KDM6A: variants seen among roughly 807,000 people sequenced by gnomAD.
The protein encoded by KDM6A is lysine-specific demethylase 6A.
Under a neutral mutation model 117.6 loss-of-function variants are expected in KDM6A, and 11 were observed. The observed-to-expected ratio is 0.09, with a 90% confidence interval of 0.06 to 0.15. The LOEUF (loss-of-function observed/expected upper bound fraction) is 0.15, where lower values mean the gene tolerates loss of function less well. Ranked by LOEUF, KDM6A falls within the 10% of genes least tolerant of loss-of-function variation. The pLI, the probability that KDM6A is intolerant of heterozygous loss-of-function variation, is 1.00. For missense variants in KDM6A, 799 were observed against 1,077.3 expected (o/e 0.74, Z 3.62); for synonymous variants, 384 against 396.1 (o/e 0.97, Z 0.36).
At chrX:44,922,040 T>C (rs2035982506) in intron 2 of KDM6A, among the ~76,000 whole-genome samples, 1 of 44,637 alleles carries the variant, frequency 2.2e-5, no homozygotes, top group Non-Finnish European at 5.0e-5. Flanking sequence ...TTTTTTTTTT[T>C]TTTTTTTTTT....
At chrX:45,094,794 G>A (rs1364379958) in intron 27 of KDM6A, among the ~76,000 whole-genome samples, 1 of 111,458 alleles carries the variant, frequency 9.0e-6, no homozygotes, top group Non-Finnish European at 1.9e-5. Flanking sequence ...GTGCATTTGC[G>A]TGAGCTTAAA....
At chrX:44,891,496 A>G (rs1453555591) in intron 2 of KDM6A, among the ~76,000 whole-genome samples, 1 of 112,088 alleles carries the variant, frequency 8.9e-6, no homozygotes, top group Admixed American at 9.5e-5. Context: ...CTACGTGCTT[A>G]TTCCTCCACC....
intron 2 of KDM6A, among the ~76,000 whole-genome samples, chrX:44,937,117 C>T (rs184641370): frequency 3.7e-5 from 4 of 109,566 alleles, no homozygotes; most frequent in Non-Finnish European, 7.6e-5. Flanking sequence ...ATACATTGAC[C>T]CTTTTTTTTT....
At chrX:44,929,011 A>G (rs1228266196) in intron 2 of KDM6A, among the ~76,000 whole-genome samples, 1 of 110,535 alleles carries the variant, frequency 9.0e-6, no homozygotes, top group African/African-American at 3.3e-5. Flanking sequence ...GCTCACTACA[A>G]CGTCTGCCTC....
chrX:44,961,474 C>T (rs1602354843), intron 3 of KDM6A, 82 bp downstream of exon 3: 1 of 671,807 alleles, frequency 1.5e-6, no homozygotes, highest in East Asian at 3.6e-5. Flanking sequence ...GAGGATTTTC[C>T]TAAGAAATTG....
intron 9 of KDM6A, among the ~76,000 whole-genome samples, chrX:45,053,303 G>A (rs771455942): frequency 1.2e-3 from 134 of 109,890 alleles, no homozygotes; most frequent in South Asian, 4.3e-3. Flanking sequence ...GTGGTGGTGC[G>A]CGCCTGTAGT....
intron 2 of KDM6A, among the ~76,000 whole-genome samples, chrX:44,950,266 G>A (rs1214759373): frequency 1.8e-5 from 2 of 110,890 alleles, no homozygotes; most frequent in Admixed American, 1.9e-4. Flanking sequence ...CACCCGCCTC[G>A]GCCTCCCAAA....
At chrX:44,943,718 A>AT (rs1569467401) in intron 2 of KDM6A, among the ~76,000 whole-genome samples, 1 of 111,493 alleles carries the variant, frequency 9.0e-6, no homozygotes, top group Non-Finnish European at 1.9e-5. Context: ...GTTATTTCCA[A>AT]TTTTCACTGA....
Position 45,070,346 on chromosome X carries a change from G to A in KDM6A, c.2847G>A (p.Leu949=). 8.3e-7 allele frequency: 1 copy of A among 1,209,163 alleles called. No homozygotes were observed. Among genetic ancestry groups the A allele is most frequent in the Non-Finnish European group, 1.1e-6 (1 of 893,337 alleles). Residue 949 remains leucine (L), a synonymous_variant, in exon 18 of 30, where the codon CTG becomes CTA. Transcript: ENST00000611820. ...TATACCCCAGCTCAGCAGAAGTTCT[G>A]AAGGCATGCAGGTTAGTGTGGGAAA... The part of the protein sequence containing the change: ...VSIYPSSAEV[L]KACRNLGKNG...
intron 25 of KDM6A, among the ~76,000 whole-genome samples, chrX:45,087,602 T>C (rs1447798265): frequency 8.9e-6 from 1 of 112,169 alleles, no homozygotes; most frequent in African/African-American, 3.2e-5. Context: ...GAAATCTCCA[T>C]TGTGCTATAG....
chrX:44,977,233 T>A (rs1356944323), intron 4 of KDM6A, among the ~76,000 whole-genome samples: 1 of 110,611 alleles, frequency 9.0e-6, no homozygotes, highest in Non-Finnish European at 1.9e-5. Flanking sequence ...GTAAATAGTC[T>A]AGTAAAAGTG....
At chrX:45,094,610 AACTTCAGTCTT>A (rs1196684930) in intron 27 of KDM6A, among the ~76,000 whole-genome samples, 1 of 111,961 alleles carries the variant, frequency 8.9e-6, no homozygotes, top group Non-Finnish European at 1.9e-5. Flanking sequence ...TTGTATGAAT[AACTTCAGTCTT>A]CAACCGCTAA....
intron 2 of KDM6A, among the ~76,000 whole-genome samples, chrX:44,885,608 C>T (rs1245144473): frequency 9.1e-6 from 1 of 110,433 alleles, no homozygotes; most frequent in Non-Finnish European, 1.9e-5. Flanking sequence ...TGGTGGCTCA[C>T]GCCTGTGATC....
In KDM6A at chrX:44,920,447, T is replaced by A. The variant is rs371390332; in HGVS notation, c.226-40837T>A. Among the ~76,000 whole-genome samples the A allele has an allele frequency of 6.3e-3, 702 of 110,963 alleles. 4 individuals carry two copies. Among genetic ancestry groups the A allele is most frequent in the African/African-American group, 0.021 (654 of 30,670 alleles). On this transcript the variant is annotated intron_variant, in intron 2 of 29. Transcript: ENST00000611820. ...ATATCTTTTTACTTTTATTTTATTT[T>A]TTTTTTTTTGAGACGGAGTCTCGCT...
At chrX:44,910,453 T>C (rs1043635039) in intron 2 of KDM6A, among the ~76,000 whole-genome samples, 1 of 111,104 alleles carries the variant, frequency 9.0e-6, no homozygotes, top group Non-Finnish European at 1.9e-5. Flanking sequence ...CCTCATTTTT[T>C]TAATAAACTT....
At chrX:45,070,552 T>G (rs2044772746) in intron 18 of KDM6A, among the ~76,000 whole-genome samples, 195 bp downstream of exon 18, 1 of 111,464 alleles carries the variant, frequency 9.0e-6, no homozygotes, top group African/African-American at 3.3e-5. Flanking sequence ...TGTAAATTGC[T>G]TATTTTGAGT....
At position 45,051,726 on chromosome X, in the gene KDM6A, A is replaced by G; in HGVS notation, c.672A>G (p.Ala224=). 1 of 1,175,279 alleles carries G rather than the reference A, an allele frequency of 8.5e-7. No individual in the cohort carries two copies. The highest frequency in any genetic ancestry group is 1.8e-5 in the South Asian group (1 of 54,910). Residue 224 remains alanine (A), a synonymous_variant, in exon 9 of 30, where the codon GCA becomes GCG. Coordinates refer to ENST00000611820, the MANE Select transcript of KDM6A (RefSeq NM_001291415.2). The stretch of plus-strand genomic sequence containing the variant: ...TTCTTTAGAGGAAATATCATTCTGC[A>G]AAAGAAGCTTATGAACAACTTTTGC... ...LYETQRKYHS[A]KEAYEQLLQT...
chrX:45,027,336 A>AACACACACACACAC (rs200245833), intron 6 of KDM6A, among the ~76,000 whole-genome samples: 3,799 of 98,035 alleles, frequency 0.039, 252 homozygotes, highest in African/African-American at 0.14. Flanking sequence ...CATAGTGTGA[A>AACACACACACACAC]ACACACACAC....
chrX:44,948,664 A>G (rs1237119769), intron 2 of KDM6A, among the ~76,000 whole-genome samples: 2 of 112,279 alleles, frequency 1.8e-5, no homozygotes, highest in Non-Finnish European at 3.7e-5. Flanking sequence ...GTCAAAGATA[A>G]ATGTAATCTG....
Sources: gnomAD v4.1 joint callset for allele counts (sites outside exome capture counted in the v4.1 genomes callset) on GRCh38, gnomAD v4.1.1 for gene constraint, MANE v1.5 for transcripts, NCBI Gene and HGNC (gene_info 2026-07-23, HGNC 2026-07-21) for gene names.